The following ANGPT2 variants were observed in gnomAD, a reference collection of about 807,000 sequenced individuals.
The protein encoded by ANGPT2 is angiopoietin 2.
In ANGPT2, 28 loss-of-function variants were observed where a neutral mutation model predicts 62.9. That is an observed-to-expected ratio of 0.44 (90% CI 0.33 to 0.61). ANGPT2 has a LOEUF of 0.61. ANGPT2 is among the 20% of genes least tolerant of loss of function. The pLI, the probability that ANGPT2 is intolerant of heterozygous loss-of-function variation, is 0.03. For synonymous variants in ANGPT2, 284 were observed against 207.8 expected, an observed-to-expected ratio of 1.37 and a Z score of -3.15; for missense variants, 727 against 594.9, an observed-to-expected ratio of 1.22 and a Z score of -2.31.
chr8:6,534,253 A>G (rs1411336147), intron 1 of ANGPT2, among the ~76,000 whole-genome samples: 2 of 152,240 alleles, frequency 1.3e-5, no homozygotes, highest in African/African-American at 2.4e-5. Flanking sequence ...TTGTAAAACA[A>G]TACAGTATAG....
At chr8:6,540,333 G>T (rs1386285006) in intron 1 of ANGPT2, among the ~76,000 whole-genome samples, 2 of 152,054 alleles carry the variant, frequency 1.3e-5, no homozygotes, top group African/African-American at 2.4e-5. Context: ...TGATAAAGTG[G>T]CTATTTCTCA....
intron 1 of ANGPT2, among the ~76,000 whole-genome samples, chr8:6,538,923 A>G (rs1218954919): frequency 6.6e-6 from 1 of 152,144 alleles, no homozygotes; most frequent in Non-Finnish European, 1.5e-5. Flanking sequence ...TTTTGACCTA[A>G]TGTTCTTGGT....
chr8:6,525,604 A>T (rs549433280), intron 3 of ANGPT2, among the ~76,000 whole-genome samples: 1 of 152,372 alleles, frequency 6.6e-6, no homozygotes, highest in South Asian at 2.1e-4. Context: ...GGTTTGTCCA[A>T]TGTGAAACAC....
chr8:6,535,519 T>C (rs1328963230), intron 1 of ANGPT2, among the ~76,000 whole-genome samples: 2 of 152,250 alleles, frequency 1.3e-5, no homozygotes, highest in Admixed American at 6.5e-5. Context: ...TGTCCATTTA[T>C]GTTAATCTTA....
rs1812252821 is a variant in ANGPT2 at position 6,501,817 on chromosome 8, A to G, written c.*1284T>C. The stretch of plus-strand genomic sequence containing the variant: ...GGTGATCTGCCCACCTTGCCTACCA[A>G]TGTACTGGGATTATAGGTGTGAGCC... On this transcript the variant is annotated 3_prime_UTR_variant, in exon 9 of 9. Coordinates refer to ENST00000629816, the MANE Select transcript of ANGPT2 (RefSeq NM_001118887.2). The G allele has an allele frequency of 6.6e-6, 1 of 151,978 alleles. No individual in the cohort carries two copies. The allele number at this position is 151,978 out of a possible 1,614,324, so 9.4% of individuals were successfully genotyped here.
rs1812118651 is a variant in ANGPT2, at chr8:6,501,246, A to C, written c.*1855T>G. The C allele has an allele frequency of 6.6e-6, 1 of 152,230 alleles. No homozygotes were observed. The highest frequency in any genetic ancestry group is 1.5e-5 in the Non-Finnish European group (1 of 68,042). 9.4% of individuals were successfully genotyped at this position (152,230 alleles called of 1,614,324 possible). A position where few individuals can be genotyped will look rare whatever the true frequency, so the allele number is the denominator to read the frequency against. On this transcript the variant is annotated 3_prime_UTR_variant, in exon 9 of 9. Transcript: ENST00000629816. ...CACCTGTGTGTTCTAAAACTACGTCAAGTGGTGGGGAGAAGTTGGGGTAAA... is the reference window on the plus strand; with the variant it reads ...CACCTGTGTGTTCTAAAACTACGTCCAGTGGTGGGGAGAAGTTGGGGTAAA...
rs971432563 is a variant in ANGPT2 at position 6,550,606 on chromosome 8, C to T, written c.288+12041G>A. Among the ~76,000 whole-genome samples the T allele has an allele frequency of 3.9e-5, 6 of 152,246 alleles. No homozygotes were observed. The South Asian group carries it at 1.2e-3, about 32-fold the overall frequency. Reference sequence around the variant, plus strand: ...GACAGCTGTGGGCTGTGTAGGGTGGCGGGCGTTGGTGGTGAAGTCTGTCGG... The same window carrying T: ...GACAGCTGTGGGCTGTGTAGGGTGGTGGGCGTTGGTGGTGAAGTCTGTCGG... On this transcript the variant is annotated intron_variant, in intron 1 of 8. Transcript: ENST00000629816.
At chr8:6,513,513 C>G (rs376467464) in intron 7 of ANGPT2, among the ~76,000 whole-genome samples, 165 bp downstream of exon 7, 8 of 151,946 alleles carry the variant, frequency 5.3e-5, no homozygotes, top group East Asian at 3.9e-4. Flanking sequence ...TTTTGTACTT[C>G]TAGTAGAGAC....
Position 6,543,301 on chromosome 8 carries a change from C to T in ANGPT2, c.289-10814G>A, listed in dbSNP as rs563217464. Among the ~76,000 whole-genome samples, 11 of 152,262 alleles carry T rather than the reference C, an allele frequency of 7.2e-5. No individual in the cohort carries two copies. The East Asian group carries it at 1.4e-3, about 19-fold the overall frequency. Reference sequence around the variant, plus strand: ...GAAGATGCACTACTGACCCGCCGTCCGCAAATGTGTTTGTACAGTTACTTT... The same window carrying T: ...GAAGATGCACTACTGACCCGCCGTCTGCAAATGTGTTTGTACAGTTACTTT... On this transcript the variant is annotated intron_variant, in intron 1 of 8. Transcript: ENST00000629816.
chr8:6,500,404 A>G lies in ANGPT2; in HGVS notation c.*2697T>C, dbSNP rs951725247. ...GTTCTAATTTTTTTTAAGATTAAGT[A>G]ATAATTAAGTGGATAATTTAAAGTT... On this transcript the variant is annotated 3_prime_UTR_variant, in exon 9 of 9. Coordinates refer to ENST00000629816, the MANE Select transcript of ANGPT2 (RefSeq NM_001118887.2). 1.3e-5 allele frequency: 2 copies of G among 157,488 alleles called. No individual in the cohort carries two copies. The highest frequency in any genetic ancestry group is 4.8e-5 in the African/African-American group (2 of 41,486). 9.8% of individuals were successfully genotyped at this position (157,488 alleles called of 1,614,324 possible).
At chr8:6,551,686 G>A (rs935478369) in intron 1 of ANGPT2, among the ~76,000 whole-genome samples, 34 of 152,104 alleles carry the variant, frequency 2.2e-4, no homozygotes, top group African/African-American at 8.2e-4. Flanking sequence ...TATTAAAGTT[G>A]GAAAAGTTTA....
At chr8:6,532,290 C>G (rs1446269321) in intron 2 of ANGPT2, 42 bp downstream of exon 2, 1 of 1,612,934 alleles carries the variant, frequency 6.2e-7, no homozygotes, top group South Asian at 1.1e-5. Flanking sequence ...GTGCTAGTCT[C>G]TAGCTGCAGG....
chr8:6,508,088 A>C (rs1231315810), intron 8 of ANGPT2: 2 of 152,138 alleles, frequency 1.3e-5, no homozygotes, highest in African/African-American at 4.8e-5. Flanking sequence ...AATTTGATTT[A>C]CTAAAAAAGG....
intron 3 of ANGPT2, 33 bp from the exon 4 acceptor site, chr8:6,521,443 G>A: frequency 7.0e-7 from 1 of 1,420,568 alleles, no homozygotes; most frequent in Admixed American, 2.0e-5. Context: ...GTTAGTGAAG[G>A]CTATTCTAAT....
intron 1 of ANGPT2, 95 bp downstream of exon 1, chr8:6,562,552 C>CCTTTTTTTTTTTTTTTTTT (rs1825699064): frequency 1.4e-5 from 1 of 71,748 alleles, no homozygotes; most frequent in Non-Finnish European, 2.6e-5. Flanking sequence ...CATCCTCCTT[C>CCTTTTTTTTTTTTTTTTTT]TTTTTTTTTT....
intron 5 of ANGPT2, among the ~76,000 whole-genome samples, chr8:6,516,676 A>G (rs1471684074): frequency 2.0e-5 from 3 of 152,208 alleles, no homozygotes; most frequent in Admixed American, 6.5e-5. Context: ...GGATTCATGT[A>G]CATATATTGA....
intron 1 of ANGPT2, among the ~76,000 whole-genome samples, chr8:6,542,632 A>G (rs1023074997): frequency 1.3e-5 from 2 of 151,908 alleles, no homozygotes; most frequent in African/African-American, 2.4e-5. Context: ...AGGAGCATTA[A>G]CATTCTTACT....
Position 6,500,237 on chromosome 8 carries a change from C to G in ANGPT2, c.*2864G>C. ...CTTGGGCAGGTAGTCTTATATCTTG[C>G]TTAATGTTTTTACTGTTAATAGAAA... On this transcript the variant is annotated 3_prime_UTR_variant, in exon 9 of 9. Transcript: ENST00000629816. The G allele has an allele frequency of 2.7e-6, 1 of 369,002 alleles. No individual in the cohort carries two copies. Among genetic ancestry groups the G allele is most frequent in the Non-Finnish European group, 5.1e-6 (1 of 195,350 alleles). 22.9% of individuals were successfully genotyped at this position (369,002 alleles called of 1,614,324 possible). A position where few individuals can be genotyped will look rare whatever the true frequency, so the allele number is the denominator to read the frequency against.
chr8:6,549,142 G>C (rs1212697148), intron 1 of ANGPT2, among the ~76,000 whole-genome samples: 1 of 152,200 alleles, frequency 6.6e-6, no homozygotes, highest in Non-Finnish European at 1.5e-5. Flanking sequence ...AGAGATAGCA[G>C]TACAAGAAAA....
Sources: allele counts gnomAD v4.1 joint callset (sites outside exome capture counted in the v4.1 genomes callset), GRCh38; gene constraint gnomAD v4.1.1; transcripts MANE v1.5; gene names NCBI Gene and HGNC (gene_info 2026-07-23, HGNC 2026-07-21).